LHFPL6: variants seen among roughly 807,000 people sequenced by gnomAD.
The protein encoded by LHFPL6 is LHFPL tetraspan subfamily member 6 protein.
Under a neutral mutation model 20.6 loss-of-function variants are expected in LHFPL6, and 9 were observed. The observed-to-expected ratio is 0.44, with a 90% CI of 0.26 to 0.76. The LOEUF (loss-of-function observed/expected upper bound fraction) is 0.76, where lower values mean the gene tolerates loss of function less well. LHFPL6 is among the 30% of genes least tolerant of loss of function. LHFPL6 has a pLI of 0.20. For missense variants in LHFPL6, 218 were observed against 253.5 expected (o/e 0.86, Z 0.95); for synonymous variants, 105 against 98.7 (o/e 1.06, Z -0.38).
At chr13:39,496,460 A>G (rs879541644) in intron 2 of LHFPL6, among the ~76,000 whole-genome samples, 21 of 152,226 alleles carry the variant, frequency 1.4e-4, no homozygotes, top group Admixed American at 9.8e-4. Flanking sequence ...CCTTGAGACC[A>G]TAAGACTAGT....
At chr13:39,451,939 T>TGTGTGTGC (rs1872456208) in intron 2 of LHFPL6, among the ~76,000 whole-genome samples, 1 of 151,994 alleles carries the variant, frequency 6.6e-6, no homozygotes, top group African/African-American at 2.4e-5. Context: ...TGTGTGTGTG[T>TGTGTGTGC]GTGTGTGTGC....
At chr13:39,488,331 G>T (rs146523106) in intron 2 of LHFPL6, among the ~76,000 whole-genome samples, 293 of 152,314 alleles carry the variant, frequency 1.9e-3, no homozygotes, top group African/African-American at 6.6e-3. Context: ...AATGGACTAA[G>T]ACATCTAGTT....
At chr13:39,374,006 C>A (rs897260872) in intron 3 of LHFPL6, among the ~76,000 whole-genome samples, 11 of 152,096 alleles carry the variant, frequency 7.2e-5, no homozygotes, top group African/African-American at 2.7e-4. Flanking sequence ...CCATTCAACC[C>A]AGCAATCCCA....
chr13:39,577,608 G>A (rs1436057893), intron 2 of LHFPL6, among the ~76,000 whole-genome samples: 1 of 152,028 alleles, frequency 6.6e-6, no homozygotes. Context: ...GCATTAATTG[G>A]TGGCTTATGA....
chr13:39,524,600 G>T (rs937186426), intron 2 of LHFPL6, among the ~76,000 whole-genome samples: 1 of 152,172 alleles, frequency 6.6e-6, no homozygotes, highest in African/African-American at 2.4e-5. Flanking sequence ...AAGGGAAGAG[G>T]TATCCGGTCA....
rs1274467278 is a variant in LHFPL6, at chr13:39,581,593, CTCTCT to C, written c.385+19234_385+19238del. Among the ~76,000 whole-genome samples the C allele has an allele frequency of 5.0e-3, 308 of 61,110 alleles. 1 individual carries two copies. Among genetic ancestry groups the C allele is most frequent in the African/African-American group, 0.015 (267 of 18,216 alleles). 40.1% of individuals were successfully genotyped at this position (61,110 alleles called of 152,430 possible). The stretch of plus-strand genomic sequence containing the variant: ...AATATTCAGCTTTCACAATCTCTCT[CTCTCT>C]TTTTTTTTTTTCTAACTACATGGTC... On this transcript the variant is annotated intron_variant, in intron 2 of 3. Transcript: ENST00000379589.
At chr13:39,560,701 T>C (rs1452804627) in intron 2 of LHFPL6, among the ~76,000 whole-genome samples, 3 of 152,014 alleles carry the variant, frequency 2.0e-5, no homozygotes, top group Non-Finnish European at 4.4e-5. Flanking sequence ...GTATTTTTAG[T>C]AGAGACGGTT....
chr13:39,426,970 C>T (rs1315150881), intron 2 of LHFPL6, among the ~76,000 whole-genome samples: 1 of 151,240 alleles, frequency 6.6e-6, no homozygotes, highest in Admixed American at 6.6e-5. Flanking sequence ...CATTTTGTTG[C>T]ATTTAAACAT....
intron 2 of LHFPL6, among the ~76,000 whole-genome samples, chr13:39,500,847 A>C (rs1469115730): frequency 1.3e-5 from 2 of 152,232 alleles, no homozygotes; most frequent in African/African-American, 4.8e-5. Flanking sequence ...TTAAACTTGG[A>C]CAAGAAATTT....
chr13:39,519,171 G>A lies in LHFPL6; in HGVS notation c.385+81661C>T, dbSNP rs1320480179. On this transcript the variant is annotated intron_variant, in intron 2 of 3. Coordinates refer to ENST00000379589, the MANE Select transcript of LHFPL6 (RefSeq NM_005780.3). ...GAACTGCTTGAACTCGGGAAGTAGA[G>A]GCTGCAATGGGCCGAGACCAGGCCA... Among the ~76,000 whole-genome samples, 4 of 152,146 alleles carry A rather than the reference G, an allele frequency of 2.6e-5. 1 individual carries two copies. Among genetic ancestry groups the A allele is most frequent in the Admixed American group, 2.6e-4 (4 of 15,274 alleles).
chr13:39,584,855 C>T (rs1397090115), intron 2 of LHFPL6, among the ~76,000 whole-genome samples: 1 of 152,090 alleles, frequency 6.6e-6, no homozygotes, highest in Non-Finnish European at 1.5e-5. Context: ...AAACCTCATA[C>T]TTTTACCCAA....
At chr13:39,501,348 G>C (rs1000637427) in intron 2 of LHFPL6, among the ~76,000 whole-genome samples, 1 of 151,990 alleles carries the variant, frequency 6.6e-6, no homozygotes, top group East Asian at 1.9e-4. Flanking sequence ...ATTACTTTGC[G>C]CTACAGTGTT....
chr13:39,573,669 G>A (rs1187868587), intron 2 of LHFPL6, among the ~76,000 whole-genome samples: 2 of 151,398 alleles, frequency 1.3e-5, no homozygotes, highest in African/African-American at 2.4e-5. Flanking sequence ...ATTCTACTTT[G>A]CCCCACACAA....
intron 2 of LHFPL6, among the ~76,000 whole-genome samples, chr13:39,448,590 G>T (rs1473761518): frequency 2.0e-5 from 3 of 152,198 alleles, no homozygotes; most frequent in Non-Finnish European, 2.9e-5. Flanking sequence ...GATCAGGTCT[G>T]CTGGTAGTTC....
intron 2 of LHFPL6, among the ~76,000 whole-genome samples, chr13:39,581,172 A>G (rs558960597): frequency 1.3e-5 from 2 of 152,322 alleles, no homozygotes; most frequent in South Asian, 2.1e-4. Context: ...AGAAATGAAA[A>G]TATTTCCCTG....
intron 2 of LHFPL6, among the ~76,000 whole-genome samples, chr13:39,450,055 C>T (rs1297728719): frequency 1.3e-5 from 2 of 152,180 alleles, no homozygotes; most frequent in African/African-American, 4.8e-5. Flanking sequence ...AGGAGAAACT[C>T]ATACACCATC....
intron 2 of LHFPL6, among the ~76,000 whole-genome samples, chr13:39,409,556 T>A (rs1014795005): frequency 1.3e-5 from 2 of 152,204 alleles, no homozygotes; most frequent in East Asian, 1.9e-4. Context: ...AGTGTTCTCA[T>A]CCCTGAAGGG....
intron 3 of LHFPL6, among the ~76,000 whole-genome samples, chr13:39,377,504 C>T (rs1593290692): frequency 6.6e-6 from 1 of 152,210 alleles, no homozygotes. Context: ...ATTCATTAAA[C>T]TACTCATCAT....
At chr13:39,585,781 G>A (rs2138543846) in intron 2 of LHFPL6, among the ~76,000 whole-genome samples, 1 of 152,226 alleles carries the variant, frequency 6.6e-6, no homozygotes, top group Non-Finnish European at 1.5e-5. Flanking sequence ...TGCCTGATTA[G>A]AGAATCATTC....
Sources: gnomAD v4.1 joint callset for allele counts (sites outside exome capture counted in the v4.1 genomes callset) on GRCh38, gnomAD v4.1.1 for gene constraint, MANE v1.5 for transcripts, NCBI Gene and HGNC (gene_info 2026-07-23, HGNC 2026-07-21) for gene names.